COL28A1: variants seen among roughly 807,000 people sequenced by gnomAD.
The protein encoded by COL28A1 is collagen alpha-1(XXVIII) chain.
A neutral mutation model predicts 150.2 loss-of-function variants in COL28A1; 161 were observed. That is an observed-to-expected ratio of 1.07 (90% confidence interval 0.94 to 1.22). The LOEUF (loss-of-function observed/expected upper bound fraction) is 1.22. COL28A1 is among the 50% of genes most tolerant of loss of function. The pLI is 0.00. For missense variants in COL28A1, 1,617 were observed against 1,388.3 expected (o/e 1.16, Z -2.62); for synonymous variants, 552 against 469.7 (o/e 1.18, Z -2.26).
At chr7:7,347,512 C>A in the COL28A1 span, among the ~76,000 whole-genome samples, 2 of 152,064 alleles carry the variant, frequency 1.3e-5, no homozygotes, top group Admixed American at 1.3e-4. Context: ...CTTTTTGCAC[C>A]AGCATTTCAG....
chr7:7,383,700 ATATG>A (rs1366640714), intron 27 of COL28A1, among the ~76,000 whole-genome samples: 8,707 of 145,720 alleles, frequency 0.06, 348 homozygotes, highest in African/African-American at 0.11. Context: ...ATATATATAT[ATATG>A]TATATGAGAT....
chr7:7,502,204 T>G (rs1216029323), intron 11 of COL28A1, among the ~76,000 whole-genome samples: 11 of 152,170 alleles, frequency 7.2e-5, no homozygotes, highest in African/African-American at 2.2e-4. Context: ...CTGGCTGAGA[T>G]GTTCTTATGA....
At chr7:7,377,926 C>T (rs970883272) in intron 30 of COL28A1, among the ~76,000 whole-genome samples, 8 of 150,938 alleles carry the variant, frequency 5.3e-5, no homozygotes, top group East Asian at 2.0e-4. Flanking sequence ...CTGGAAGAAA[C>T]GATGAGGGAA....
chr7:7,358,345 T>TA lies in COL28A1; in HGVS notation c.*287dup. ...ATCACATTGCAGGTTGTGAAGTAGA[T>TA]AGAGTCTGTGTATTGAAGTTACACA... On this transcript the variant is annotated 3_prime_UTR_variant, in exon 35 of 35. Coordinates refer to ENST00000399429, the MANE Select transcript of COL28A1 (RefSeq NM_001037763.3). 7.5e-6 allele frequency: 2 copies of TA among 266,992 alleles called. No homozygotes were observed. The highest frequency in any genetic ancestry group is 1.5e-4 in the South Asian group (2 of 13,176). 16.5% of individuals were successfully genotyped at this position (266,992 alleles called of 1,614,324 possible).
intron 13 of COL28A1, among the ~76,000 whole-genome samples, chr7:7,477,558 T>TA (rs1416316770): frequency 6.6e-6 from 1 of 152,210 alleles, no homozygotes; most frequent in Non-Finnish European, 1.5e-5. Context: ...GTCACAGTTC[T>TA]AAAAGGCAGC....
intron 15 of COL28A1, among the ~76,000 whole-genome samples, chr7:7,464,476 G>A (rs981811335): frequency 2.6e-5 from 4 of 152,184 alleles, no homozygotes; most frequent in African/African-American, 9.7e-5. Flanking sequence ...TCAGACCACA[G>A]TGGAATAAAA....
chr7:7,354,386 G>A (rs1780301131), downstream of COL28A1, among the ~76,000 whole-genome samples: 1 of 152,130 alleles, frequency 6.6e-6, no homozygotes, highest in African/African-American at 2.4e-5. Context: ...CAGATTGTGT[G>A]CAGTAAAGAA....
In COL28A1 at chr7:7,478,760, G is replaced by T. The variant is rs191333819; in HGVS notation, c.1165-1580C>A. Among the ~76,000 whole-genome samples, 59 of 152,362 alleles carry T rather than the reference G, an allele frequency of 3.9e-4. No individual in the cohort carries two copies. In the East Asian group the frequency reaches 0.011, roughly 29 times the overall value. The stretch of plus-strand genomic sequence containing the variant: ...TGGGCCAGCACTGCTGGGGGACCCA[G>T]TGCACCCTCCGCAGCTGCTGGCGCG... On this transcript the variant is annotated intron_variant, in intron 13 of 34. Coordinates refer to ENST00000399429, the MANE Select transcript of COL28A1 (RefSeq NM_001037763.3).
At chr7:7,504,083 AATT>A (rs772056958) in intron 11 of COL28A1, among the ~76,000 whole-genome samples, 2 of 152,208 alleles carry the variant, frequency 1.3e-5, no homozygotes, top group Non-Finnish European at 2.9e-5. Context: ...ATGTCAGAAA[AATT>A]ATAACCAACC....
intron 27 of COL28A1, among the ~76,000 whole-genome samples, chr7:7,386,350 G>A (rs1360352758): frequency 2.6e-5 from 4 of 152,194 alleles, no homozygotes; most frequent in African/African-American, 7.2e-5. Flanking sequence ...TTCTGCCAGT[G>A]TGTAGAAAAG....
intron 18 of COL28A1, among the ~76,000 whole-genome samples, chr7:7,445,558 T>C (rs1448625573): frequency 6.6e-6 from 1 of 152,160 alleles, no homozygotes; most frequent in Non-Finnish European, 1.5e-5. Context: ...ATTTGTGCCC[T>C]AACAACACTT....
chr7:7,507,194 A>T (rs765979530), intron 9 of COL28A1, 33 bp from the exon 10 acceptor site: 4 of 913,746 alleles, frequency 4.4e-6, no homozygotes, highest in African/African-American at 3.3e-5. Context: ...AGTCTCTCTA[A>T]ATATACATCT....
intron 1 of COL28A1, among the ~76,000 whole-genome samples, chr7:7,533,698 A>C (rs1171302063): frequency 6.6e-6 from 1 of 152,166 alleles, no homozygotes; most frequent in East Asian, 1.9e-4. Flanking sequence ...TAACAACGAA[A>C]AATCTAATTC....
the COL28A1 span, among the ~76,000 whole-genome samples, chr7:7,541,068 C>T: frequency 6.6e-6 from 1 of 152,174 alleles, no homozygotes; most frequent in Non-Finnish European, 1.5e-5. Flanking sequence ...TTCTAAATTT[C>T]TGGAATAAAA....
the COL28A1 span, among the ~76,000 whole-genome samples, chr7:7,343,884 T>G: frequency 6.6e-6 from 1 of 152,014 alleles, no homozygotes; most frequent in Non-Finnish European, 1.5e-5. Flanking sequence ...GGTACATGCC[T>G]GTAGTCTCAG....
At chr7:7,380,527 G>T in intron 30 of COL28A1, 133 bp downstream of exon 30, 1 of 728,844 alleles carries the variant, frequency 1.4e-6, no homozygotes, top group Non-Finnish European at 2.4e-6. Flanking sequence ...ACACTGGGCT[G>T]GTAGTAGTTG....
At position 7,399,719 on chromosome 7, in the gene COL28A1, A is replaced by C. The variant is rs117403641; in HGVS notation, c.2137-18107T>G. ...TGGGTCAATTGAAAGAAGTGTTTAC[A>C]ACCAGATTCTCTGGGCCTGGAATCT... On this transcript the variant is annotated intron_variant, in intron 27 of 34. Coordinates refer to ENST00000399429, the MANE Select transcript of COL28A1 (RefSeq NM_001037763.3). 7.4e-4 allele frequency among the ~76,000 whole-genome samples: 112 copies of C among 152,354 alleles called. 3 individuals are homozygous for C. The East Asian group carries it at 0.017, about 23-fold the overall frequency.
At chr7:7,419,742 G>T in intron 26 of COL28A1, 143 bp downstream of exon 26, 1 of 446,854 alleles carries the variant, frequency 2.2e-6, no homozygotes. Context: ...ACGTTCACCT[G>T]ATATGAAAAA....
At chr7:7,361,733 C>T (rs1780671776) in intron 33 of COL28A1, among the ~76,000 whole-genome samples, 1 of 151,074 alleles carries the variant, frequency 6.6e-6, no homozygotes, top group South Asian at 2.1e-4. Context: ...CACACGCACA[C>T]ATATGTTTAT....
Sources: gnomAD v4.1 joint callset for allele counts (sites outside exome capture counted in the v4.1 genomes callset) on GRCh38, gnomAD v4.1.1 for gene constraint, MANE v1.5 for transcripts, NCBI Gene and HGNC (gene_info 2026-07-23, HGNC 2026-07-21) for gene names.